Variants in ALX4 observed in about 807,000 individuals in gnomAD.
ALX4 encodes the protein ALX homeobox 4.
In ALX4, 22 loss-of-function variants were observed where a neutral mutation model predicts 40.6. That is an observed-to-expected ratio of 0.54 (90% CI 0.39 to 0.77). The LOEUF (loss-of-function observed/expected upper bound fraction) is 0.77. ALX4 is among the 30% of genes least tolerant of loss of function. The pLI is 0.00. For synonymous variants in ALX4, 266 were observed against 240.5 expected (o/e 1.11, Z -0.98); for missense variants, 556 against 564.8 (o/e 0.98, Z 0.16).
chr11:44,281,310 T>G (rs1956308639), intron 1 of ALX4, among the ~76,000 whole-genome samples: 1 of 151,922 alleles, frequency 6.6e-6, no homozygotes, highest in Admixed American at 6.6e-5. Flanking sequence ...GCTTGTGTGG[T>G]CAAGCGCAGG....
intron 1 of ALX4, among the ~76,000 whole-genome samples, chr11:44,288,988 C>T (rs1174562834): frequency 6.6e-6 from 1 of 152,192 alleles, no homozygotes; most frequent in Non-Finnish European, 1.5e-5. Context: ...CTCTCCCCCA[C>T]CCTGTGTCTT....
chr11:44,276,394 C>T (rs1179612139), intron 1 of ALX4, among the ~76,000 whole-genome samples: 14 of 152,242 alleles, frequency 9.2e-5, no homozygotes, highest in Admixed American at 9.2e-4. Context: ...CCTTCATCCC[C>T]AGCACGCTGA....
Position 44,309,857 on chromosome 11 carries a change from C to T in ALX4, c.206G>A (p.Gly69Glu), listed in dbSNP as rs1000997080. Reference protein sequence around the residue: ...DAKSRARYGAGQQDLATPLES... With the variant: ...DAKSRARYGAEQQDLATPLES... ...CAGGGGTGTCGCCAGGTCCTGCTGCCCAGCGCCGTAACGGGCCCGGCTCTT... is the reference window on the plus strand; with the variant it reads ...CAGGGGTGTCGCCAGGTCCTGCTGCTCAGCGCCGTAACGGGCCCGGCTCTT... The change falls in exon 1 of 4, where the codon GGG (glycine) becomes GAG (glutamate). Residue 69 changes from glycine to glutamate, a missense_variant. Transcript: ENST00000652299. The T allele has an allele frequency of 6.4e-7, 1 of 1,562,144 alleles. No homozygotes were observed. The highest frequency in any genetic ancestry group is 8.7e-7 in the Non-Finnish European group (1 of 1,152,618).
chr11:44,297,086 T>TG (rs530295769), intron 1 of ALX4, among the ~76,000 whole-genome samples: 135 of 129,756 alleles, frequency 1.0e-3, no homozygotes, highest in African/African-American at 1.4e-3. Flanking sequence ...GTCACTTGGG[T>TG]GGGGGGTCAA....
chr11:44,293,997 C>G (rs1317753165), intron 1 of ALX4, among the ~76,000 whole-genome samples: 1 of 152,064 alleles, frequency 6.6e-6, no homozygotes, highest in African/African-American at 2.4e-5. Flanking sequence ...TGCTGAAAAC[C>G]CCTCCCAGTG....
chr11:44,286,056 G>T (rs1199916067), intron 1 of ALX4, among the ~76,000 whole-genome samples: 2 of 152,248 alleles, frequency 1.3e-5, no homozygotes, highest in Non-Finnish European at 2.9e-5. Context: ...ACAGCTGAGG[G>T]TGGCCAGTGT....
At chr11:44,271,706 G>A (rs1956248253) in intron 2 of ALX4, among the ~76,000 whole-genome samples, 1 of 152,200 alleles carries the variant, frequency 6.6e-6, no homozygotes, top group South Asian at 2.1e-4. Context: ...AAGTGTGTGT[G>A]TGTGCGCGCG....
rs1565013743 is a variant in ALX4 at position 44,309,923 on chromosome 11, A to G, written c.140T>C (p.Phe47Ser). The change falls in exon 1 of 4, where the codon TTC (phenylalanine) becomes TCC (serine). Residue 47 changes from phenylalanine (F) to serine (S), a missense_variant. Phe to Ser is a radical substitution (Grantham distance 155). Transcript: ENST00000652299. ...CTGTGCTTTGGCGGCGGCCGACAGG[A>G]AAGTTGTGCCGAACTTGTCGCCTCC... Reference protein sequence around the residue: ...FPGGDKFGTTFLSAAAKAQGF... With the variant: ...FPGGDKFGTTSLSAAAKAQGF... 8 of 1,592,702 alleles carry G rather than the reference A, an allele frequency of 5.0e-6. No homozygotes were observed. The highest frequency in any genetic ancestry group is 6.8e-6 in the Non-Finnish European group (8 of 1,169,300).
At chr11:44,271,892 T>C (rs1291240310) in intron 2 of ALX4, among the ~76,000 whole-genome samples, 1 of 152,186 alleles carries the variant, frequency 6.6e-6, no homozygotes, top group Non-Finnish European at 1.5e-5. Flanking sequence ...GCAACCCACA[T>C]ATGCAAACAC....
At chr11:44,291,418 C>CTTT (rs56098274) in intron 1 of ALX4, among the ~76,000 whole-genome samples, 2 of 148,940 alleles carry the variant, frequency 1.3e-5, no homozygotes, top group Non-Finnish European at 1.5e-5. Context: ...TTCTTTCTTT[C>CTTT]TTTTTTTGGA....
At chr11:44,306,880 T>A (rs1956471782) in intron 1 of ALX4, among the ~76,000 whole-genome samples, 1 of 152,104 alleles carries the variant, frequency 6.6e-6, no homozygotes, top group Non-Finnish European at 1.5e-5. Context: ...ACGCGCCTAA[T>A]CCCTTTCCTA....
chr11:44,267,367 G>A (rs1956219457), intron 3 of ALX4, 127 bp downstream of exon 3: 2 of 1,278,836 alleles, frequency 1.6e-6, no homozygotes, highest in Admixed American at 4.1e-5. Flanking sequence ...GCACACCCCT[G>A]GAATGAGACG....
chr11:44,284,737 C>T (rs1397933873), intron 1 of ALX4, among the ~76,000 whole-genome samples: 1 of 151,964 alleles, frequency 6.6e-6, no homozygotes, highest in East Asian at 1.9e-4. Flanking sequence ...GGCACCCTTC[C>T]TTCTACCTAG....
At chr11:44,270,419 G>T (rs1400533133) in intron 2 of ALX4, among the ~76,000 whole-genome samples, 6 of 152,006 alleles carry the variant, frequency 3.9e-5, no homozygotes, top group Non-Finnish European at 8.8e-5. Flanking sequence ...TTGTCCTGGG[G>T]CCTTACCCTG....
intron 1 of ALX4, among the ~76,000 whole-genome samples, chr11:44,291,332 G>A (rs1291524160): frequency 2.6e-5 from 4 of 152,174 alleles, no homozygotes; most frequent in Admixed American, 2.0e-4. Flanking sequence ...GTTATCACTC[G>A]CCCTGCCTGT....
At chr11:44,281,650 T>G (rs1181766174) in intron 1 of ALX4, among the ~76,000 whole-genome samples, 1 of 151,972 alleles carries the variant, frequency 6.6e-6, no homozygotes, top group Admixed American at 6.5e-5. Flanking sequence ...GGGCACTGAC[T>G]AAACCCACTG....
chr11:44,292,988 A>G (rs1956378936), intron 1 of ALX4, among the ~76,000 whole-genome samples: 1 of 151,816 alleles, frequency 6.6e-6, no homozygotes, highest in Non-Finnish European at 1.5e-5. Flanking sequence ...AGTCCCAGCT[A>G]CTCAGGAGGC....
chr11:44,309,788 G>C lies in ALX4; in HGVS notation c.275C>G (p.Pro92Arg), dbSNP rs1036676266. The change falls in exon 1 of 4, where the codon CCC (proline) becomes CGC (arginine). Residue 92 changes from proline (P) to arginine (R), a missense_variant. Physicochemically the swap from Pro to Arg is moderately radical, Grantham distance 103. Coordinates refer to ENST00000652299, the MANE Select transcript of ALX4 (RefSeq NM_021926.4). ...CTGGGGCTGCGGGGTCGACGGCTGG[G>C]GCTGGAACTTGTTAAAGGAGCCCCG... is the stretch of plus-strand genomic sequence containing the variant. ...GARGSFNKFQ[P>R]QPSTPQPQPP... is the part of the protein sequence containing the mutation. 5.2e-5 allele frequency: 81 copies of C among 1,550,336 alleles called. No individual in the cohort carries two copies. Among genetic ancestry groups the C allele is most frequent in the Non-Finnish European group, 6.9e-5 (79 of 1,147,154 alleles).
At chr11:44,267,209 G>A (rs1265396140) in intron 3 of ALX4, among the ~76,000 whole-genome samples, 1 of 152,170 alleles carries the variant, frequency 6.6e-6, no homozygotes, top group Non-Finnish European at 1.5e-5. Context: ...CCTTGGTTCC[G>A]ATGCCCACAG....
Sources: gnomAD v4.1 joint callset for allele counts (sites outside exome capture counted in the v4.1 genomes callset) on GRCh38, gnomAD v4.1.1 for gene constraint, MANE v1.5 for transcripts, NCBI Gene and HGNC (gene_info 2026-07-23, HGNC 2026-07-21) for gene names.